Variants in TMEM244 observed in about 807,000 individuals in gnomAD.
TMEM244 encodes transmembrane protein 244, also known as putative transmembrane protein 244.
TMEM244 carries 13 observed loss-of-function variants against 15.8 expected under a neutral mutation model. The ratio of observed to expected loss-of-function variants is 0.82; its 90% confidence interval spans 0.53 to 1.30. The LOEUF is 1.30. Ranked by LOEUF, TMEM244 falls within the 50% of genes most tolerant of loss-of-function variation. The probability of loss-of-function intolerance (pLI) is 0.00; values close to 1 mark genes in which losing one functional copy is unlikely to be tolerated. For synonymous variants in TMEM244, 45 were observed against 48.7 expected, an observed-to-expected ratio of 0.92 and a Z score of 0.32; for missense variants, 161 against 144.9, an observed-to-expected ratio of 1.11 and a Z score of -0.57.
chr6:129,858,085 G>A (rs1205138249), intron 1 of TMEM244, among the ~76,000 whole-genome samples: 1 of 151,888 alleles, frequency 6.6e-6, no homozygotes, highest in African/African-American at 2.4e-5. Flanking sequence ...ATGTCACTTG[G>A]TCATGATGTT....
At chr6:129,852,695 C>T (rs1776650875) in intron 1 of TMEM244, among the ~76,000 whole-genome samples, 2 of 152,152 alleles carry the variant, frequency 1.3e-5, no homozygotes, top group South Asian at 4.1e-4. Context: ...ACACACCTTC[C>T]CCCATTAGCA....
intron 4 of TMEM244, among the ~76,000 whole-genome samples, chr6:129,832,772 TG>T (rs1776348787): frequency 6.6e-6 from 1 of 152,208 alleles, no homozygotes; most frequent in Non-Finnish European, 1.5e-5. Context: ...AAGGTAGGAC[TG>T]GAATTTGTAT....
At chr6:129,848,143 T>C (rs1776587232) in intron 1 of TMEM244, among the ~76,000 whole-genome samples, 2 of 152,110 alleles carry the variant, frequency 1.3e-5, no homozygotes, top group African/African-American at 2.4e-5. Flanking sequence ...CAACCCTTGG[T>C]CCCCTCCTGT....
At chr6:129,836,961 G>C (rs1052040803) in intron 3 of TMEM244, among the ~76,000 whole-genome samples, 6 of 152,178 alleles carry the variant, frequency 3.9e-5, no homozygotes, top group African/African-American at 1.4e-4. Flanking sequence ...GGGTGTACCT[G>C]AAAGTGATAG....
intron 2 of TMEM244, among the ~76,000 whole-genome samples, chr6:129,844,270 C>A (rs999696359): frequency 6.6e-6 from 1 of 152,146 alleles, no homozygotes; most frequent in Non-Finnish European, 1.5e-5. Flanking sequence ...CCACTTTGTC[C>A]ACCAAGTGGA....
At chr6:129,852,233 T>A (rs190413237) in intron 1 of TMEM244, among the ~76,000 whole-genome samples, 249 of 152,298 alleles carry the variant, frequency 1.6e-3, no homozygotes, top group South Asian at 5.2e-3. Context: ...TAATTTTTTT[T>A]AAAAAATAAA....
At chr6:129,838,087 C>T (rs1031376333) in intron 3 of TMEM244, among the ~76,000 whole-genome samples, 3 of 152,222 alleles carry the variant, frequency 2.0e-5, no homozygotes, top group East Asian at 1.9e-4. Flanking sequence ...AGACATCTAC[C>T]GAATTCTACA....
chr6:129,835,796 T>C (rs1361258060), intron 3 of TMEM244, among the ~76,000 whole-genome samples: 1 of 152,176 alleles, frequency 6.6e-6, no homozygotes, highest in Non-Finnish European at 1.5e-5. Flanking sequence ...GGAGCCTTGC[T>C]CACTGCTAGT....
At chr6:129,833,634 A>G (rs752722690) in intron 3 of TMEM244, 49 bp from the exon 4 acceptor site, 15 of 1,558,810 alleles carry the variant, frequency 9.6e-6, no homozygotes, top group Non-Finnish European at 1.3e-5. Context: ...AGCAATGAAC[A>G]TTCTGAAATA....
intron 1 of TMEM244, among the ~76,000 whole-genome samples, chr6:129,848,658 A>C (rs1255795092): frequency 6.6e-6 from 1 of 152,218 alleles, no homozygotes; most frequent in African/African-American, 2.4e-5. Context: ...CAACTGGTTC[A>C]AATCTTCCCC....
intron 1 of TMEM244, among the ~76,000 whole-genome samples, chr6:129,860,303 G>C (rs1196868683): frequency 6.6e-6 from 1 of 152,048 alleles, no homozygotes; most frequent in Non-Finnish European, 1.5e-5. Context: ...AAATTACGAA[G>C]TTTAATAACC....
intron 1 of TMEM244, among the ~76,000 whole-genome samples, chr6:129,849,800 G>A (rs1052641386): frequency 2.0e-5 from 3 of 152,058 alleles, no homozygotes; most frequent in African/African-American, 4.8e-5. Context: ...AAGGAGAAGA[G>A]GTATTATTGA....
chr6:129,860,108 T>C (rs1322569208), intron 1 of TMEM244, among the ~76,000 whole-genome samples: 1 of 32,812 alleles, frequency 3.0e-5, no homozygotes, highest in African/African-American at 1.2e-4. Context: ...GCAATGCGTG[T>C]GTGTGTGTGT....
At chr6:129,840,489 T>C (rs904140242) in intron 3 of TMEM244, among the ~76,000 whole-genome samples, 7 of 152,144 alleles carry the variant, frequency 4.6e-5, no homozygotes, top group Non-Finnish European at 8.8e-5. Flanking sequence ...GAAGAAAACC[T>C]AGGCAATATC....
chr6:129,854,384 C>A (rs916802915), intron 1 of TMEM244, among the ~76,000 whole-genome samples: 1 of 152,134 alleles, frequency 6.6e-6, no homozygotes, highest in Admixed American at 6.5e-5. Flanking sequence ...GAGAGAGTCA[C>A]CAATCAGGAG....
At chr6:129,839,467 A>G (rs758628129) in intron 3 of TMEM244, among the ~76,000 whole-genome samples, 3 of 152,220 alleles carry the variant, frequency 2.0e-5, no homozygotes, top group Non-Finnish European at 2.9e-5. Context: ...CCCACAGCCA[A>G]TGTCATACTG....
intron 4 of TMEM244, among the ~76,000 whole-genome samples, chr6:129,832,954 G>A (rs1776350958): frequency 6.6e-6 from 1 of 152,184 alleles, no homozygotes. Context: ...GTCTTACAGG[G>A]CAAACCTTGC....
Position 129,831,261 on chromosome 6 carries a change from A to G in TMEM244, c.*58T>C. On this transcript the variant is annotated 3_prime_UTR_variant, in exon 5 of 5. Transcript: ENST00000368143. ...GACAATAATTGTAAAATCTATGAGAAAATAAAATATATTTCCACAGTTATT... is the reference window on the plus strand; with the variant it reads ...GACAATAATTGTAAAATCTATGAGAGAATAAAATATATTTCCACAGTTATT... 1 of 1,030,164 alleles carries G rather than the reference A, an allele frequency of 9.7e-7. No individual in the cohort carries two copies. The highest frequency in any genetic ancestry group is 1.5e-6 in the Non-Finnish European group (1 of 673,840). The allele number at this position is 1,030,164 out of a possible 1,614,324, so 63.8% of individuals were successfully genotyped here. A position where few individuals can be genotyped will look rare whatever the true frequency, so the allele number is the denominator to read the frequency against.
chr6:129,841,426 T>TG (rs545410355), intron 3 of TMEM244, among the ~76,000 whole-genome samples: 209 of 46,544 alleles, frequency 4.5e-3, no homozygotes, highest in African/African-American at 0.015. Flanking sequence ...GGTCGGGGGG[T>TG]GGGGGGCTGG....
Sources: gnomAD v4.1 joint callset for allele counts (sites outside exome capture counted in the v4.1 genomes callset) on GRCh38, gnomAD v4.1.1 for gene constraint, MANE v1.5 for transcripts, NCBI Gene and HGNC (gene_info 2026-07-23, HGNC 2026-07-21) for gene names.